Variants in KHDRBS2 observed in about 807,000 individuals in gnomAD.
The protein encoded by KHDRBS2 is KH domain-containing, RNA-binding, signal transduction-associated protein 2.
In KHDRBS2, 26 loss-of-function variants were observed where a neutral mutation model predicts 44.3. That is an observed-to-expected ratio of 0.59 (90% confidence interval 0.43 to 0.81). The LOEUF (loss-of-function observed/expected upper bound fraction) is 0.81. KHDRBS2 is among the 40% of genes least tolerant of loss of function. KHDRBS2 has a pLI of 0.00. For synonymous variants in KHDRBS2, 194 were observed against 151.1 expected, an observed-to-expected ratio of 1.28 and a Z score of -2.08; for missense variants, 476 against 433.1, an observed-to-expected ratio of 1.10 and a Z score of -0.88.
intron 2 of KHDRBS2, among the ~76,000 whole-genome samples, chr6:62,074,737 C>A (rs565531866): frequency 6.6e-6 from 1 of 151,936 alleles, no homozygotes; most frequent in East Asian, 2.0e-4. Flanking sequence ...TGCTCTTTTA[C>A]CTCCTTCTAT....
At chr6:62,181,572 T>C (rs1822318153) in intron 1 of KHDRBS2, among the ~76,000 whole-genome samples, 1 of 151,972 alleles carries the variant, frequency 6.6e-6, no homozygotes. Context: ...GGAATCCTTG[T>C]ACATTATTGA....
chr6:61,684,510 C>G (rs551887544), intron 8 of KHDRBS2, among the ~76,000 whole-genome samples: 23 of 151,878 alleles, frequency 1.5e-4, no homozygotes, highest in African/African-American at 2.7e-4. Flanking sequence ...ATATTTAAAG[C>G]CTTCCTACGA....
chr6:61,806,733 T>A (rs747245072), intron 6 of KHDRBS2, among the ~76,000 whole-genome samples: 3 of 152,086 alleles, frequency 2.0e-5, no homozygotes, highest in African/African-American at 4.8e-5. Context: ...TTGTTTTGCC[T>A]TCTATTATTT....
chr6:62,042,815 G>T (rs565434854), intron 3 of KHDRBS2, among the ~76,000 whole-genome samples: 1 of 152,090 alleles, frequency 6.6e-6, no homozygotes, highest in Non-Finnish European at 1.5e-5. Context: ...CATTATTACT[G>T]CATCAAAGAC....
intron 3 of KHDRBS2, among the ~76,000 whole-genome samples, chr6:61,984,346 G>C (rs72884450): frequency 0.019 from 2,830 of 152,096 alleles, 51 homozygotes; most frequent in Non-Finnish European, 0.028. Flanking sequence ...AATCAACCTA[G>C]CTTTTTTTGT....
chr6:61,576,969 G>T, the KHDRBS2 span, among the ~76,000 whole-genome samples: 1 of 152,124 alleles, frequency 6.6e-6, no homozygotes, highest in Non-Finnish European at 1.5e-5. Flanking sequence ...GTTCAGAAAA[G>T]TGTTGATTTA....
At chr6:62,077,088 C>T (rs1223540395) in intron 2 of KHDRBS2, among the ~76,000 whole-genome samples, 2 of 151,964 alleles carry the variant, frequency 1.3e-5, no homozygotes, top group African/African-American at 2.4e-5. Context: ...ACTCCAAGAT[C>T]TTGCAGAACC....
the KHDRBS2 span, among the ~76,000 whole-genome samples, chr6:61,654,861 C>G: frequency 1.3e-5 from 2 of 151,576 alleles, no homozygotes; most frequent in African/African-American, 4.8e-5. Context: ...GGAAAAGATA[C>G]AGCTGCTGCT....
the KHDRBS2 span, among the ~76,000 whole-genome samples, chr6:61,564,106 G>T: frequency 6.6e-6 from 1 of 152,056 alleles, no homozygotes; most frequent in Non-Finnish European, 1.5e-5. Flanking sequence ...TCTGTTAAAT[G>T]CCTCAGCCAT....
chr6:61,783,015 G>A (rs1783246417), intron 6 of KHDRBS2, among the ~76,000 whole-genome samples: 1 of 151,904 alleles, frequency 6.6e-6, no homozygotes, highest in African/African-American at 2.4e-5. Context: ...GTTAAGGGGT[G>A]AGGATGTATA....
intron 1 of KHDRBS2, among the ~76,000 whole-genome samples, chr6:62,212,193 T>G (rs942736135): frequency 6.6e-6 from 1 of 152,176 alleles, no homozygotes; most frequent in African/African-American, 2.4e-5. Context: ...TTTCATCTCC[T>G]ATATATGTTA....
chr6:61,978,886 A>C (rs1178546261), intron 3 of KHDRBS2, among the ~76,000 whole-genome samples: 1 of 152,060 alleles, frequency 6.6e-6, no homozygotes, highest in East Asian at 1.9e-4. Context: ...CAATAATACT[A>C]GGTTGGTGGA....
At chr6:61,589,402 A>G in the KHDRBS2 span, among the ~76,000 whole-genome samples, 1 of 152,210 alleles carries the variant, frequency 6.6e-6, no homozygotes, top group Non-Finnish European at 1.5e-5. Context: ...TATTCAGGAC[A>G]ACACCTAAAT....
At chr6:62,235,122 A>C (rs1833507913) in intron 1 of KHDRBS2, among the ~76,000 whole-genome samples, 1 of 138,778 alleles carries the variant, frequency 7.2e-6, no homozygotes, top group Non-Finnish European at 1.5e-5. Flanking sequence ...ACATTGGACT[A>C]ATGCTTACGT....
chr6:61,543,065 GAGTAATACTCCACA>G, the KHDRBS2 span, among the ~76,000 whole-genome samples: 1 of 151,894 alleles, frequency 6.6e-6, no homozygotes, highest in East Asian at 1.9e-4. Flanking sequence ...AAGATTTCTT[GAGTAATACTCCACA>G]AGCACAGGCA....
chr6:61,791,488 T>C (rs2127585611), intron 6 of KHDRBS2, among the ~76,000 whole-genome samples: 1 of 151,644 alleles, frequency 6.6e-6, no homozygotes, highest in African/African-American at 2.4e-5. Flanking sequence ...CCTCAAAGCA[T>C]TAGTTATATA....
chr6:62,117,365 A>C (rs1806511517), intron 2 of KHDRBS2, among the ~76,000 whole-genome samples: 1 of 152,136 alleles, frequency 6.6e-6, no homozygotes. Flanking sequence ...GATGCTGAGT[A>C]ATTGTCACAT....
chr6:61,743,858 C>T (rs919936985), intron 6 of KHDRBS2, among the ~76,000 whole-genome samples: 29 of 150,336 alleles, frequency 1.9e-4, no homozygotes, highest in Non-Finnish European at 3.4e-4. Flanking sequence ...CAATTCCCAC[C>T]TATGAGTGAG....
intron 4 of KHDRBS2, among the ~76,000 whole-genome samples, chr6:61,938,658 C>T (rs1463543461): frequency 1.3e-5 from 2 of 152,194 alleles, no homozygotes; most frequent in Middle Eastern, 3.4e-3. Context: ...AAGGCTCAGA[C>T]TAGTAGATTG....
Sources: gnomAD v4.1 joint callset for allele counts (sites outside exome capture counted in the v4.1 genomes callset) on GRCh38, gnomAD v4.1.1 for gene constraint, MANE v1.5 for transcripts, NCBI Gene and HGNC (gene_info 2026-07-23, HGNC 2026-07-21) for gene names.